Variants in PYHIN1 observed in about 807,000 individuals in gnomAD.
The protein encoded by PYHIN1 is pyrin and HIN domain family member 1, also known as pyrin and HIN domain-containing protein 1.
Under a neutral mutation model 43.7 loss-of-function variants are expected in PYHIN1, and 32 were observed. That is an observed-to-expected ratio of 0.73 (90% CI 0.55 to 0.98). The LOEUF is 0.98. Ranked by LOEUF, PYHIN1 falls within the 50% of genes least tolerant of loss-of-function variation. PYHIN1 has a pLI of 0.00. For missense variants in PYHIN1, 588 were observed against 589.5 expected, an observed-to-expected ratio of 1.00 and a Z score of 0.03; for synonymous variants, 205 against 203.1, an observed-to-expected ratio of 1.01 and a Z score of -0.08.
chr1:158,990,841 C>G, the PYHIN1 span, among the ~76,000 whole-genome samples: 8,680 of 152,178 alleles, frequency 0.057, 519 homozygotes, highest in East Asian at 0.26. Flanking sequence ...TTGAGGGAGG[C>G]ACATGGTGGG....
intron 6 of PYHIN1, among the ~76,000 whole-genome samples, chr1:158,944,306 T>G (rs1006956679): frequency 6.6e-6 from 1 of 152,188 alleles, no homozygotes; most frequent in Non-Finnish European, 1.5e-5. Context: ...GCTCATTGGT[T>G]GCATGATATT....
At position 158,944,924 on chromosome 1, in the gene PYHIN1, T is replaced by C. The variant is rs771761848; in HGVS notation, c.1241T>C (p.Leu414Pro). The C allele has an allele frequency of 9.9e-6, 16 of 1,613,156 alleles. No homozygotes were observed. Among genetic ancestry groups the C allele is most frequent in the Non-Finnish European group, 1.3e-5 (15 of 1,179,536 alleles). ...AGCCATGACTCCAGGAGCATGGCAC[T>C]ACCCCAGGAACAGAGTCAGCATCCA... is the stretch of plus-strand genomic sequence containing the variant. ...QRSHDSRSMA[L>P]PQEQSQHPKP... Residue 414 changes from leucine to proline, a missense_variant, in exon 7 of 9, where the codon CTA becomes CCA. Leu to Pro is a moderately conservative substitution (Grantham distance 98, BLOSUM62 -3). Transcript: ENST00000368140.
At chr1:158,966,291 A>C (rs1359921672) in intron 7 of PYHIN1, among the ~76,000 whole-genome samples, 1 of 152,176 alleles carries the variant, frequency 6.6e-6, no homozygotes, top group African/African-American at 2.4e-5. Flanking sequence ...AAATGCTATC[A>C]GATGCATAAA....
chr1:158,936,222 C>G (rs1184610525), intron 1 of PYHIN1, among the ~76,000 whole-genome samples: 2 of 115,810 alleles, frequency 1.7e-5, no homozygotes, highest in Non-Finnish European at 3.5e-5. Flanking sequence ...CCCCCCACCC[C>G]ACAACAGTCC....
intron 7 of PYHIN1, among the ~76,000 whole-genome samples, chr1:158,958,301 G>T (rs1483594467): frequency 1.3e-5 from 2 of 148,358 alleles, no homozygotes; most frequent in Admixed American, 1.4e-4. Context: ...AAAGACACAT[G>T]CACACGTATG....
At chr1:158,985,878 A>G in the PYHIN1 span, among the ~76,000 whole-genome samples, 1 of 151,794 alleles carries the variant, frequency 6.6e-6, no homozygotes, top group Non-Finnish European at 1.5e-5. Flanking sequence ...TTTTTATCTG[A>G]CTGAGTTGAT....
chr1:158,953,649 G>C (rs1571752438), intron 7 of PYHIN1, among the ~76,000 whole-genome samples: 1 of 152,066 alleles, frequency 6.6e-6, no homozygotes, highest in East Asian at 1.9e-4. Context: ...CAAAGATGGG[G>C]AAAAAACAGA....
downstream of PYHIN1, among the ~76,000 whole-genome samples, chr1:158,979,601 C>T (rs991663840): frequency 2.0e-5 from 3 of 152,120 alleles, no homozygotes; most frequent in Non-Finnish European, 4.4e-5. Context: ...GTTTTCACAT[C>T]TTGTCTATTT....
At chr1:158,934,448 T>A (rs1266806125) in intron 1 of PYHIN1, among the ~76,000 whole-genome samples, 1 of 152,180 alleles carries the variant, frequency 6.6e-6, no homozygotes, top group Non-Finnish European at 1.5e-5. Context: ...CAAGTAGATT[T>A]GTTGTTGAGA....
At chr1:158,936,398 A>C (rs1259616509) in intron 1 of PYHIN1, among the ~76,000 whole-genome samples, 1 of 151,516 alleles carries the variant, frequency 6.6e-6, no homozygotes, top group African/African-American at 2.4e-5. Context: ...GAGACACAAC[A>C]AAAAAAAGAG....
chr1:158,942,775 T>G lies in PYHIN1; in HGVS notation c.1002+376T>G, dbSNP rs1310768089. On this transcript the variant is annotated intron_variant, in intron 5 of 8. Coordinates refer to ENST00000368140, the MANE Select transcript of PYHIN1 (RefSeq NM_152501.5). ...CTCAATTGTAGCAAAAATCACATTGTTTTCATTTTGAATACAGTATTGTTC... is the reference window on the plus strand; with the variant it reads ...CTCAATTGTAGCAAAAATCACATTGGTTTCATTTTGAATACAGTATTGTTC... 2.6e-5 allele frequency among the ~76,000 whole-genome samples: 4 copies of G among 152,172 alleles called. No homozygotes were observed. The East Asian group carries it at 7.7e-4, about 29-fold the overall frequency.
intron 6 of PYHIN1, among the ~76,000 whole-genome samples, 160 bp from the exon 7 acceptor site, chr1:158,944,715 T>C (rs1649123820): frequency 6.6e-6 from 1 of 152,176 alleles, no homozygotes; most frequent in Admixed American, 6.5e-5. Flanking sequence ...AGCAAAAAAA[T>C]ATATTGGCAG....
the PYHIN1 span, among the ~76,000 whole-genome samples, chr1:158,983,379 T>C: frequency 6.6e-6 from 1 of 152,202 alleles, no homozygotes; most frequent in Non-Finnish European, 1.5e-5. Flanking sequence ...AAACCTTTTC[T>C]GCATCTATTT....
chr1:158,955,798 A>T, intron 7 of PYHIN1, among the ~76,000 whole-genome samples: 1 of 87,424 alleles, frequency 1.1e-5, no homozygotes, highest in East Asian at 3.2e-4. Flanking sequence ...CCTTCAAAAA[A>T]TTAAGGAATC....
intron 4 of PYHIN1, chr1:158,939,585 C>T (rs756381106): frequency 2.8e-6 from 4 of 1,410,704 alleles, no homozygotes. Context: ...CTCTGACATA[C>T]ACCATGCTCC....
At chr1:158,944,785 T>C in intron 6 of PYHIN1, 90 bp from the exon 7 acceptor site, 3 of 1,008,912 alleles carry the variant, frequency 3.0e-6, no homozygotes, top group Non-Finnish European at 4.1e-6. Flanking sequence ...TCTATTAGAA[T>C]TTAATAAAGG....
chr1:158,971,540 TA>T (rs1339974111), intron 7 of PYHIN1, among the ~76,000 whole-genome samples: 2 of 151,890 alleles, frequency 1.3e-5, no homozygotes, highest in Non-Finnish European at 2.9e-5. Context: ...AATCACTGGA[TA>T]AACAGAATCC....
chr1:158,977,808 G>A (rs1651347599), downstream of PYHIN1, among the ~76,000 whole-genome samples: 1 of 152,118 alleles, frequency 6.6e-6, no homozygotes, highest in Non-Finnish European at 1.5e-5. Context: ...GTCTTATATA[G>A]TCCTTGATTT....
chr1:158,988,113 G>T, the PYHIN1 span, among the ~76,000 whole-genome samples: 1 of 152,150 alleles, frequency 6.6e-6, no homozygotes, highest in Non-Finnish European at 1.5e-5. Context: ...GCTTGATCTT[G>T]GACTTATAGC....
Sources: gnomAD v4.1 joint callset for allele counts (sites outside exome capture counted in the v4.1 genomes callset) on GRCh38, gnomAD v4.1.1 for gene constraint, MANE v1.5 for transcripts, NCBI Gene and HGNC (gene_info 2026-07-23, HGNC 2026-07-21) for gene names.